The following CD2AP variants were observed in gnomAD, a reference collection of about 807,000 sequenced individuals.
CD2AP encodes CD2 associated protein, also known as CD2-associated protein.
Under a neutral mutation model 85.1 loss-of-function variants are expected in CD2AP, and 46 were observed. The observed-to-expected ratio is 0.54, with a 90% CI of 0.43 to 0.69. The LOEUF is 0.69. CD2AP is among the 30% of genes least tolerant of loss of function. The pLI, the probability that CD2AP is intolerant of heterozygous loss-of-function variation, is 0.00. For missense variants in CD2AP, 769 were observed against 729.5 expected, an observed-to-expected ratio of 1.05 and a Z score of -0.62; for synonymous variants, 255 against 252.9, an observed-to-expected ratio of 1.01 and a Z score of -0.08.
intron 13 of CD2AP, among the ~76,000 whole-genome samples, chr6:47,601,700 A>G (rs892031372): frequency 1.8e-4 from 28 of 151,396 alleles, no homozygotes; most frequent in African/African-American, 6.6e-4. Flanking sequence ...TTAATACTTC[A>G]AAAAAAGTAT....
At chr6:47,573,639 C>A (rs550479705) in intron 5 of CD2AP, among the ~76,000 whole-genome samples, 1 of 151,960 alleles carries the variant, frequency 6.6e-6, no homozygotes, top group East Asian at 1.9e-4. Flanking sequence ...CAGGCACCTG[C>A]CACCATGCCC....
rs1582455020 is a variant in CD2AP, at chr6:47,478,046, T to G, written c.-199T>G. 1.5e-6 allele frequency: 1 copy of G among 677,518 alleles called. No individual in the cohort carries two copies. The highest frequency in any genetic ancestry group is 2.8e-5 in the East Asian group (1 of 36,240). 42.0% of individuals were successfully genotyped at this position (677,518 alleles called of 1,614,324 possible). ...GAGGAGCTGTCGCCGCCTTTGCCTC[T>G]GCCTCGAGGGCCGCGCTGAAGAGAC... On this transcript the variant is annotated 5_prime_UTR_variant, in exon 1 of 18. Transcript: ENST00000359314.
At chr6:47,559,521 T>C (rs1226155654) in intron 5 of CD2AP, among the ~76,000 whole-genome samples, 8 of 152,082 alleles carry the variant, frequency 5.3e-5, no homozygotes, top group African/African-American at 1.7e-4. Flanking sequence ...CCCAAAGTGC[T>C]GGGATTACAG....
At chr6:47,556,845 TA>T (rs1767707126) in intron 5 of CD2AP, among the ~76,000 whole-genome samples, 2 of 152,184 alleles carry the variant, frequency 1.3e-5, no homozygotes, top group African/African-American at 4.8e-5. Context: ...TACCCAGTAA[TA>T]GGATTGCTGG....
chr6:47,488,441 T>G (rs986569239), intron 1 of CD2AP, among the ~76,000 whole-genome samples: 12 of 152,256 alleles, frequency 7.9e-5, no homozygotes, highest in African/African-American at 2.6e-4. Context: ...TGAAATTAAT[T>G]TTAATAATAT....
intron 13 of CD2AP, among the ~76,000 whole-genome samples, chr6:47,603,513 A>G (rs937178110): frequency 2.6e-5 from 4 of 152,106 alleles, no homozygotes; most frequent in African/African-American, 9.6e-5. Flanking sequence ...GTAATAAAAC[A>G]GGACTTTCTG....
chr6:47,530,116 C>A (rs1766834210), intron 2 of CD2AP, among the ~76,000 whole-genome samples: 1 of 152,168 alleles, frequency 6.6e-6, no homozygotes, highest in Non-Finnish European at 1.5e-5. Context: ...GCCTTAACAC[C>A]ACTGAATTTA....
At chr6:47,573,672 G>T (rs987590174) in intron 5 of CD2AP, among the ~76,000 whole-genome samples, 1 of 151,698 alleles carries the variant, frequency 6.6e-6, no homozygotes, top group Non-Finnish European at 1.5e-5. Flanking sequence ...TATATTTTTA[G>T]TGGAGACGGG....
intron 4 of CD2AP, among the ~76,000 whole-genome samples, chr6:47,546,196 A>G (rs2114048019): frequency 6.6e-6 from 1 of 152,254 alleles, no homozygotes; most frequent in East Asian, 1.9e-4. Flanking sequence ...GGATGCACTT[A>G]CAGAAATGCA....
chr6:47,530,333 T>C (rs1766841147), intron 2 of CD2AP, among the ~76,000 whole-genome samples: 1 of 152,248 alleles, frequency 6.6e-6, no homozygotes, highest in Non-Finnish European at 1.5e-5. Flanking sequence ...TCTATGTGTT[T>C]ATCAAGAACT....
rs560966029 is a variant in CD2AP, at chr6:47,595,861, A to T, written c.1109A>T (p.Asp370Val). The T allele has an allele frequency of 8.7e-6, 14 of 1,610,902 alleles. No homozygotes were observed. The highest frequency in any genetic ancestry group is 7.6e-6 in the Non-Finnish European group (9 of 1,177,710). The change falls in exon 12 of 18, where the codon GAT becomes GTT. Residue 370 changes from aspartate to valine, a missense_variant and splice_region_variant. By Grantham distance (152) the Asp-to-Val change is radical (BLOSUM62 -3). Transcript: ENST00000359314. ...ACTTGTGAAATATTTTAAATCTTAGATGAAAAATCAACACTGGAACAGAAA... is the reference window on the plus strand; with the variant it reads ...ACTTGTGAAATATTTTAAATCTTAGTTGAAAAATCAACACTGGAACAGAAA... ...KYFSLKPEEK[D>V]EKSTLEQKPS...
intron 17 of CD2AP, among the ~76,000 whole-genome samples, chr6:47,620,251 G>A (rs935755059): frequency 2.0e-5 from 3 of 152,132 alleles, no homozygotes; most frequent in Admixed American, 6.5e-5. Context: ...GGTGAAAGAC[G>A]AGGATCCAGT....
chr6:47,496,043 T>C (rs896210785), intron 1 of CD2AP, among the ~76,000 whole-genome samples: 1 of 152,190 alleles, frequency 6.6e-6, no homozygotes. Flanking sequence ...TATACCTGTA[T>C]ACTTACCACT....
intron 6 of CD2AP, among the ~76,000 whole-genome samples, chr6:47,574,944 A>G (rs2114097359): frequency 1.3e-5 from 2 of 152,298 alleles, no homozygotes; most frequent in Middle Eastern, 6.8e-3. Context: ...AAGAAATTAT[A>G]GTATTTCAGT....
chr6:47,521,191 C>T (rs1331168570), intron 2 of CD2AP, among the ~76,000 whole-genome samples: 1 of 152,112 alleles, frequency 6.6e-6, no homozygotes, highest in African/African-American at 2.4e-5. Context: ...AGTTGCTTAT[C>T]TTGCTCATAA....
rs1049027333 is a variant in CD2AP, at chr6:47,594,918, T to C, written c.1109-943T>C. ...TATAATCACCAGTTTCTGGTTGATA[T>C]GAAATCTTACAGAATTATTTGTGGT... On this transcript the variant is annotated intron_variant, in intron 11 of 17. Coordinates refer to ENST00000359314, the MANE Select transcript of CD2AP (RefSeq NM_012120.3). 2.6e-5 allele frequency among the ~76,000 whole-genome samples: 4 copies of C among 152,214 alleles called. No individual in the cohort carries two copies. In the South Asian group the frequency reaches 6.2e-4, roughly 24 times the overall value.
intron 3 of CD2AP, among the ~76,000 whole-genome samples, chr6:47,542,185 G>A (rs1767231374): frequency 6.6e-6 from 1 of 151,956 alleles, no homozygotes; most frequent in African/African-American, 2.4e-5. Context: ...ATGTATTCAA[G>A]TTTTATCACT....
intron 8 of CD2AP, among the ~76,000 whole-genome samples, chr6:47,578,954 G>A (rs768393579): frequency 2.0e-5 from 3 of 152,118 alleles, no homozygotes; most frequent in African/African-American, 2.4e-5. Context: ...ACCGTACCCG[G>A]CCTCATTTTA....
At chr6:47,556,308 A>G (rs1767686729) in intron 5 of CD2AP, among the ~76,000 whole-genome samples, 1 of 151,226 alleles carries the variant, frequency 6.6e-6, no homozygotes, top group Admixed American at 6.6e-5. Flanking sequence ...ATGAATGAGA[A>G]CATGTAGTGT....
Sources: gnomAD v4.1 joint callset for allele counts (sites outside exome capture counted in the v4.1 genomes callset) on GRCh38, gnomAD v4.1.1 for gene constraint, MANE v1.5 for transcripts, NCBI Gene and HGNC (gene_info 2026-07-23, HGNC 2026-07-21) for gene names.